OVCH1: variants seen among roughly 807,000 people sequenced by gnomAD.
The protein encoded by OVCH1 is ovochymase 1.
OVCH1 carries 139 observed loss-of-function variants against 138.4 expected under a neutral mutation model. The ratio of observed to expected loss-of-function variants is 1.00; its 90% CI spans 0.87 to 1.16. The LOEUF (loss-of-function observed/expected upper bound fraction) is 1.16, where lower values mean the gene tolerates loss of function less well. Among genes scored for constraint, OVCH1 ranks in the 50% most tolerant of loss-of-function variants. OVCH1 has a pLI of 0.00. For synonymous variants in OVCH1, 453 were observed against 467.8 expected (o/e 0.97, Z 0.41); for missense variants, 1,367 against 1,357.9 (o/e 1.01, Z -0.11).
chr12:29,443,916 C>G (rs202047569), intron 24 of OVCH1, among the ~76,000 whole-genome samples: 1 of 152,162 alleles, frequency 6.6e-6, no homozygotes, highest in South Asian at 2.1e-4. Context: ...TTTCACTTTG[C>G]TAATACATGG....
intron 19 of OVCH1, among the ~76,000 whole-genome samples, chr12:29,458,712 T>C (rs1316888977): frequency 2.6e-5 from 4 of 152,074 alleles, no homozygotes; most frequent in Non-Finnish European, 5.9e-5. Context: ...ACTCACAGAA[T>C]GGGAAAAATT....
intron 22 of OVCH1, among the ~76,000 whole-genome samples, chr12:29,448,585 G>T (rs1163987590): frequency 6.6e-6 from 1 of 152,080 alleles, no homozygotes; most frequent in Non-Finnish European, 1.5e-5. Flanking sequence ...CTTCCAGGGA[G>T]TGTGAATTTT....
chr12:29,477,692 C>T, intron 9 of OVCH1: 1 of 1,254,510 alleles, frequency 8.0e-7, no homozygotes. Flanking sequence ...CCAAATTCTA[C>T]TTATTCTTCA....
intron 4 of OVCH1, among the ~76,000 whole-genome samples, chr12:29,491,736 A>G (rs1943278437): frequency 6.6e-6 from 1 of 152,244 alleles, no homozygotes; most frequent in Admixed American, 6.5e-5. Context: ...GATGCAAAAA[A>G]TAATTTTGTA....
At chr12:29,451,390 C>T (rs754405706) in exon 22 of OVCH1, 6 of 1,613,176 alleles carry the variant, frequency 3.7e-6, no homozygotes, top group Non-Finnish European at 5.1e-6. Context: ...ATAATTAGAA[C>T]TGAGTCTTGA....
chr12:29,469,731 G>A (rs1400912629), intron 16 of OVCH1, among the ~76,000 whole-genome samples: 1 of 150,602 alleles, frequency 6.6e-6, no homozygotes, highest in South Asian at 2.1e-4. Context: ...AAAAAAAGTC[G>A]GGCATGGTGG....
At chr12:29,471,807 C>T in exon 16 of OVCH1, 5 of 1,608,846 alleles carry the variant, frequency 3.1e-6, no homozygotes, top group Non-Finnish European at 4.2e-6. Flanking sequence ...CTCACAATTG[C>T]ACACAGTGGG....
chr12:29,414,411 T>C (rs1418448870), intron 3 of OVCH1, among the ~76,000 whole-genome samples: 3 of 152,212 alleles, frequency 2.0e-5, no homozygotes, highest in Admixed American at 6.5e-5. Context: ...TGTATCACAA[T>C]TGATTAAATC....
chr12:29,415,073 G>T lies in OVCH1; in HGVS notation c.*72-2348C>A, dbSNP rs575800636. On this transcript the variant is annotated intron_variant and NMD_transcript_variant, in intron 3 of 4. Coordinates refer to the OVCH1 transcript ENST00000539117. Reference sequence around the variant, plus strand: ...GTGTCTTGTCTTTAATGGGAAAAAAGTCATCTCTCACTCTTCCCAGTGGAA... The same window carrying T: ...GTGTCTTGTCTTTAATGGGAAAAAATTCATCTCTCACTCTTCCCAGTGGAA... Among the ~76,000 whole-genome samples the T allele has an allele frequency of 5.9e-5, 9 of 152,222 alleles. No homozygotes were observed. In the South Asian group the frequency reaches 1.9e-3, roughly 32 times the overall value.
At chr12:29,431,299 A>G (rs1038360082) in intron 27 of OVCH1, among the ~76,000 whole-genome samples, 2 of 152,000 alleles carry the variant, frequency 1.3e-5, no homozygotes, top group African/African-American at 4.8e-5. Flanking sequence ...CTAGCCAGGT[A>G]TGGTGGTGTG....
intron 7 of OVCH1, chr12:29,486,908 G>T (rs1342484827): frequency 2.2e-6 from 1 of 455,702 alleles, no homozygotes; most frequent in East Asian, 7.0e-5. Flanking sequence ...GAACACAATT[G>T]CTACCAGAAG....
At position 29,443,399 on chromosome 12, in the gene OVCH1, C is replaced by T. The variant is rs370805015; in HGVS notation, c.3119G>A (p.Arg1040His). 39 of 1,611,556 alleles carry T rather than the reference C, an allele frequency of 2.4e-5. No homozygotes were observed. In the Admixed American group the frequency reaches 3.0e-4, roughly 12 times the overall value. Residue 1040 changes from arginine to histidine, a missense_variant, in exon 25 of 28, where the codon CGT becomes CAT. By Grantham distance (29) the Arg-to-His change is conservative. Transcript: ENST00000318184. ...TCCTGGTCCAAATCCTTCGTAAACA[C>T]GCAGATGACCATGACAGACAAAAGT...
chr12:29,479,631 G>A (rs1163521365), intron 8 of OVCH1, among the ~76,000 whole-genome samples: 1 of 151,966 alleles, frequency 6.6e-6, no homozygotes, highest in Non-Finnish European at 1.5e-5. Flanking sequence ...ATCTTACCTA[G>A]AATCTAACAT....
intron 26 of OVCH1, among the ~76,000 whole-genome samples, chr12:29,436,820 T>C (rs1325365759): frequency 6.6e-6 from 1 of 151,714 alleles, no homozygotes; most frequent in Non-Finnish European, 1.5e-5. Flanking sequence ...GTGGTGAGTG[T>C]TACAGCTCAT....
chr12:29,463,692 G>A (rs1002034702), intron 18 of OVCH1, among the ~76,000 whole-genome samples: 2 of 152,142 alleles, frequency 1.3e-5, no homozygotes, highest in African/African-American at 4.8e-5. Flanking sequence ...CTCTCCATTT[G>A]TAAAATGGGG....
chr12:29,414,745 A>AT (rs542593294), intron 3 of OVCH1, among the ~76,000 whole-genome samples: 67 of 151,504 alleles, frequency 4.4e-4, no homozygotes, highest in South Asian at 3.1e-3. Context: ...GGAAAAAAAA[A>AT]ATATATATAC....
chr12:29,406,222 CA>C, the OVCH1 span, among the ~76,000 whole-genome samples: 1 of 152,100 alleles, frequency 6.6e-6, no homozygotes, highest in Non-Finnish European at 1.5e-5. Flanking sequence ...AGATATTCTT[CA>C]ATACATGTTT....
At chr12:29,481,799 A>G (rs746662256) in intron 8 of OVCH1, among the ~76,000 whole-genome samples, 1 of 152,168 alleles carries the variant, frequency 6.6e-6, no homozygotes, top group African/African-American at 2.4e-5. Context: ...TCCATCTCAG[A>G]CAACAGTTCT....
rs780783056 is a variant in OVCH1, at chr12:29,439,321, TACTC to T, written c.3264+3_3264+6del. ...CCAAGTTCTAATCACCTCTTTGAGTTACTCACCACTGAATTTTCCCATATATGCA... is the reference window on the plus strand; with the variant it reads ...CCAAGTTCTAATCACCTCTTTGAGTTACCACTGAATTTTCCCATATATGCA... On this transcript the variant is annotated splice_donor_5th_base_variant and intron_variant, in intron 26 of 27. Coordinates refer to ENST00000318184, the Ensembl canonical transcript of OVCH1. The T allele has an allele frequency of 3.3e-6, 5 of 1,501,918 alleles. No homozygotes were observed. The East Asian group carries it at 7.3e-5, about 22-fold the overall frequency. The allele number at this position is 1,501,918 out of a possible 1,614,324, so 93.0% of individuals were successfully genotyped here.
Sources: allele counts gnomAD v4.1 joint callset (sites outside exome capture counted in the v4.1 genomes callset), GRCh38; gene constraint gnomAD v4.1.1; transcripts MANE v1.5; gene names NCBI Gene and HGNC (gene_info 2026-07-23, HGNC 2026-07-21).